The following TRIM2 variants were observed in gnomAD, a reference collection of about 807,000 sequenced individuals.
The protein encoded by TRIM2 is tripartite motif-containing protein 2.
In TRIM2, 20 loss-of-function variants were observed where a neutral mutation model predicts 75.2. The ratio of observed to expected loss-of-function variants is 0.27; its 90% CI spans 0.19 to 0.39. TRIM2 has a LOEUF of 0.39. Among genes scored for constraint, TRIM2 ranks in the 10% least tolerant of loss-of-function variants. The pLI is 1.00. For synonymous variants in TRIM2, 373 were observed against 388.3 expected (o/e 0.96, Z 0.46); for missense variants, 660 against 990.8 (o/e 0.67, Z 4.48).
chr4:153,194,197 T>TTCTCAG (rs1283631872), intron 1 of TRIM2, among the ~76,000 whole-genome samples: 10 of 152,022 alleles, frequency 6.6e-5, no homozygotes, highest in African/African-American at 2.4e-4. Context: ...GAAACACAGA[T>TTCTCAG]TCTCAGAAAT....
upstream of TRIM2, chr4:153,204,379 GC>G (rs1734812766): frequency 3.8e-6 from 3 of 788,264 alleles, no homozygotes; most frequent in African/African-American, 5.2e-5. Flanking sequence ...TGATACTGTA[GC>G]CCCGCCCCTT....
chr4:153,161,901 C>G (rs1409381338), intron 1 of TRIM2, among the ~76,000 whole-genome samples: 1 of 152,178 alleles, frequency 6.6e-6, no homozygotes, highest in Non-Finnish European at 1.5e-5. Context: ...CTGGAAACTT[C>G]CATCCACTAG....
chr4:153,255,014 C>T (rs184885531), intron 1 of TRIM2, among the ~76,000 whole-genome samples: 1 of 152,322 alleles, frequency 6.6e-6, no homozygotes, highest in Admixed American at 6.5e-5. Context: ...GCTTGAAATG[C>T]TCCGCACACC....
intron 1 of TRIM2, among the ~76,000 whole-genome samples, chr4:153,257,186 A>C (rs567077016): frequency 5.9e-5 from 9 of 152,260 alleles, no homozygotes; most frequent in Admixed American, 5.2e-4. Flanking sequence ...GCTGCGTTGC[A>C]CGGAGACTGC....
At chr4:153,272,932 T>C (rs1037833403) in intron 2 of TRIM2, among the ~76,000 whole-genome samples, 6 of 151,932 alleles carry the variant, frequency 3.9e-5, no homozygotes, top group African/African-American at 1.4e-4. Context: ...TTCCGCCTCC[T>C]GGGTTAAGTG....
At chr4:153,255,026 C>T (rs1032943666) in intron 1 of TRIM2, among the ~76,000 whole-genome samples, 48 of 152,172 alleles carry the variant, frequency 3.2e-4, no homozygotes, top group African/African-American at 1.0e-3. Context: ...CCGCACACCC[C>T]GCACACCTCC....
At chr4:153,191,484 G>T (rs906330632) in intron 1 of TRIM2, among the ~76,000 whole-genome samples, 4 of 152,354 alleles carry the variant, frequency 2.6e-5, no homozygotes, top group South Asian at 4.1e-4. Context: ...AGGAACACAG[G>T]TTACTTTAAA....
chr4:153,173,422 G>A (rs539863720), intron 1 of TRIM2, among the ~76,000 whole-genome samples: 8 of 152,246 alleles, frequency 5.3e-5, no homozygotes, highest in African/African-American at 1.9e-4. Flanking sequence ...CCAGCACTTT[G>A]GGAGGCCGAG....
chr4:153,288,420 G>C (rs956807189), intron 3 of TRIM2, among the ~76,000 whole-genome samples: 1 of 152,160 alleles, frequency 6.6e-6, no homozygotes, highest in Non-Finnish European at 1.5e-5. Context: ...CTGGGTGACA[G>C]AGTGAGACTC....
intron 1 of TRIM2, among the ~76,000 whole-genome samples, chr4:153,182,325 C>T (rs908850341): frequency 6.6e-6 from 1 of 152,140 alleles, no homozygotes; most frequent in Admixed American, 6.5e-5. Context: ...CAACCAGGCT[C>T]CTTGATGTAA....
intron 1 of TRIM2, among the ~76,000 whole-genome samples, chr4:153,153,968 G>A (rs1728985127): frequency 6.7e-6 from 1 of 148,668 alleles, no homozygotes; most frequent in African/African-American, 2.6e-5. Context: ...ATATGAGTGT[G>A]GGGGGTGTGG....
intron 1 of TRIM2, among the ~76,000 whole-genome samples, chr4:153,210,852 G>C (rs1268889145): frequency 1.3e-5 from 2 of 152,160 alleles, no homozygotes; most frequent in Non-Finnish European, 2.9e-5. Flanking sequence ...AGTGACCCTA[G>C]AAGCCCCAGA....
chr4:153,244,355 C>T (rs28530775), intron 1 of TRIM2, among the ~76,000 whole-genome samples: 2,820 of 12,110 alleles, frequency 0.23, 514 homozygotes, highest in South Asian at 0.33. Flanking sequence ...CTTCTTCTTC[C>T]TCTTCTTCTT....
intron 1 of TRIM2, chr4:153,266,948 GA>G (rs1755320941): frequency 6.9e-6 from 1 of 145,230 alleles, no homozygotes; most frequent in Admixed American, 7.0e-5. Context: ...TGGAGAAGGA[GA>G]AACAAAATCT....
At chr4:153,188,412 A>T (rs1017751297) in intron 1 of TRIM2, among the ~76,000 whole-genome samples, 3 of 152,134 alleles carry the variant, frequency 2.0e-5, no homozygotes, top group African/African-American at 7.2e-5. Context: ...GTGAGCTGAG[A>T]CCATACCACT....
intron 1 of TRIM2, among the ~76,000 whole-genome samples, chr4:153,250,429 C>T (rs568526918): frequency 1.5e-4 from 23 of 152,222 alleles, no homozygotes; most frequent in African/African-American, 5.3e-4. Flanking sequence ...CTACTTCAGT[C>T]TTTTCTACAA....
chr4:153,179,704 G>A (rs558759163), intron 1 of TRIM2, among the ~76,000 whole-genome samples: 1 of 152,284 alleles, frequency 6.6e-6, no homozygotes, highest in South Asian at 2.1e-4. Context: ...AATGGAAGCT[G>A]CACTCTCAAG....
At chr4:153,172,569 C>T (rs1014445451) in intron 1 of TRIM2, among the ~76,000 whole-genome samples, 2 of 152,258 alleles carry the variant, frequency 1.3e-5, no homozygotes, top group Middle Eastern at 3.4e-3. Flanking sequence ...TGGGAATTCT[C>T]GGTTAGATCA....
intron 1 of TRIM2, among the ~76,000 whole-genome samples, chr4:153,255,590 G>T (rs534597586): frequency 5.1e-4 from 78 of 152,234 alleles, no homozygotes; most frequent in African/African-American, 1.9e-3. Context: ...TTAGAAGTGG[G>T]TCCTAATTAA....
Sources: allele counts gnomAD v4.1 joint callset (sites outside exome capture counted in the v4.1 genomes callset), GRCh38; gene constraint gnomAD v4.1.1; transcripts MANE v1.5; gene names NCBI Gene and HGNC (gene_info 2026-07-23, HGNC 2026-07-21).